TMEM196: variants seen among roughly 807,000 people sequenced by gnomAD.
TMEM196 encodes transmembrane protein 196.
TMEM196 carries 17 observed loss-of-function variants against 20.0 expected under a neutral mutation model. That is an observed-to-expected ratio of 0.85 (90% CI 0.58 to 1.27). The LOEUF is 1.27. Among genes scored for constraint, TMEM196 ranks in the 50% most tolerant of loss-of-function variants. The pLI, the probability that TMEM196 is intolerant of heterozygous loss-of-function variation, is 0.00. For missense variants in TMEM196, 267 were observed against 223.0 expected, an observed-to-expected ratio of 1.20 and a Z score of -1.26; for synonymous variants, 113 against 88.9, an observed-to-expected ratio of 1.27 and a Z score of -1.52.
At position 19,748,712 on chromosome 7, in the gene TMEM196, G is replaced by T. The variant is rs114460156; in HGVS notation, c.148-19274C>A. 6.4e-3 allele frequency among the ~76,000 whole-genome samples: 981 copies of T among 152,232 alleles called. 7 individuals are homozygous for T. Among genetic ancestry groups the T allele is most frequent in the African/African-American group, 0.023 (942 of 41,526 alleles). Reference sequence around the variant, plus strand: ...CAAGTAAAAGAAATGAGTTCATAGTGATCAAGATACATTTTGCTTAGCTAA... The same window carrying T: ...CAAGTAAAAGAAATGAGTTCATAGTTATCAAGATACATTTTGCTTAGCTAA... On this transcript the variant is annotated intron_variant, in intron 1 of 4. Transcript: ENST00000405844.
At chr7:19,749,208 C>A (rs949911384) in intron 1 of TMEM196, among the ~76,000 whole-genome samples, 6 of 152,172 alleles carry the variant, frequency 3.9e-5, no homozygotes, top group Admixed American at 1.3e-4. Context: ...AATATATGAA[C>A]AAGATAAAAA....
intron 1 of TMEM196, among the ~76,000 whole-genome samples, chr7:19,742,393 C>A (rs921434091): frequency 1.6e-4 from 24 of 152,104 alleles, no homozygotes; most frequent in African/African-American, 5.8e-4. Flanking sequence ...TATGCTCTCA[C>A]AGGGAGAGTA....
intron 3 of TMEM196, 120 bp from the exon 4 acceptor site, chr7:19,724,473 C>T (rs899183261): frequency 2.4e-6 from 2 of 849,418 alleles, no homozygotes; most frequent in African/African-American, 1.7e-5. Context: ...ATAAAATGGT[C>T]ATCTATTTTT....
chr7:19,747,507 A>T (rs1784803766), intron 1 of TMEM196, among the ~76,000 whole-genome samples: 1 of 152,180 alleles, frequency 6.6e-6, no homozygotes, highest in African/African-American at 2.4e-5. Flanking sequence ...CCTCTAGGCT[A>T]AACATTTTGC....
At chr7:19,741,674 T>C (rs560768573) in intron 1 of TMEM196, among the ~76,000 whole-genome samples, 6 of 152,266 alleles carry the variant, frequency 3.9e-5, no homozygotes, top group South Asian at 4.1e-4. Context: ...TAGACTTTTC[T>C]ACATAAAAGT....
chr7:19,740,715 C>A (rs1327726804), intron 1 of TMEM196, among the ~76,000 whole-genome samples: 1 of 152,146 alleles, frequency 6.6e-6, no homozygotes, highest in African/African-American at 2.4e-5. Context: ...CAACCACAAC[C>A]ACCGAGGTCA....
At chr7:19,744,355 GA>G (rs1406953581) in intron 1 of TMEM196, among the ~76,000 whole-genome samples, 6 of 152,104 alleles carry the variant, frequency 3.9e-5, no homozygotes, top group African/African-American at 1.4e-4. Flanking sequence ...TGATTCTACA[GA>G]GAATAAAAAA....
At chr7:19,726,733 T>C (rs73680685) in intron 2 of TMEM196, among the ~76,000 whole-genome samples, 4,493 of 152,232 alleles carry the variant, frequency 0.03, 210 homozygotes, top group African/African-American at 0.1. Context: ...TAAATTTAAT[T>C]AACTAGTCAA....
At chr7:19,744,854 GT>G (rs1426381796) in intron 1 of TMEM196, among the ~76,000 whole-genome samples, 1 of 152,080 alleles carries the variant, frequency 6.6e-6, no homozygotes, top group Non-Finnish European at 1.5e-5. Context: ...TTCTTTAAGT[GT>G]TTTTATTTTG....
chr7:19,771,204 A>T (rs1443549955), intron 1 of TMEM196, among the ~76,000 whole-genome samples: 1 of 152,166 alleles, frequency 6.6e-6, no homozygotes, highest in Non-Finnish European at 1.5e-5. Context: ...ATCCTTTCAA[A>T]CTCAAATTTA....
intron 1 of TMEM196, among the ~76,000 whole-genome samples, chr7:19,755,816 G>A (rs1583451453): frequency 6.6e-6 from 1 of 152,114 alleles, no homozygotes. Flanking sequence ...ATCACTTGCA[G>A]CCAGTAGTTT....
rs55646735 is a variant in TMEM196, at chr7:19,760,352, C to CTT, written c.147+12196_147+12197dup. ...ATTCTTCATAAGCCTATATATTTTCCTTTTTTTTTTTTTTTTTTTTTTTTT... is the reference window on the plus strand; with the variant it reads ...ATTCTTCATAAGCCTATATATTTTCCTTTTTTTTTTTTTTTTTTTTTTTTTTT... On this transcript the variant is annotated intron_variant, in intron 1 of 4. Transcript: ENST00000405844. Among the ~76,000 whole-genome samples, 136 of 92,164 alleles carry CTT rather than the reference C, an allele frequency of 1.5e-3. 8 individuals are homozygous for CTT. Among genetic ancestry groups the CTT allele is most frequent in the African/African-American group, 3.0e-3 (66 of 21,926 alleles). 60.5% of individuals were successfully genotyped at this position (92,164 alleles called of 152,430 possible).
rs146609745 is a variant in TMEM196 at position 19,743,155 on chromosome 7, A to G, written c.148-13717T>C. 7.7e-3 allele frequency among the ~76,000 whole-genome samples: 1,168 copies of G among 152,254 alleles called. 18 individuals are homozygous for G. Among genetic ancestry groups the G allele is most frequent in the Middle Eastern group, 0.058 (17 of 294 alleles). ...AACTGGTGGTATATCTGGGCTTTTA[A>G]GTTCTTTAAGCTTTGTTTGTTTTTC... is the stretch of plus-strand genomic sequence containing the variant. On this transcript the variant is annotated intron_variant, in intron 1 of 4. Transcript: ENST00000405844.
intron 1 of TMEM196, among the ~76,000 whole-genome samples, chr7:19,745,709 C>T (rs116047849): frequency 2.0e-5 from 3 of 147,214 alleles, no homozygotes; most frequent in East Asian, 2.0e-4. Flanking sequence ...TCTAATATGC[C>T]GGCCCTGTTC....
chr7:19,724,640 C>T (rs928160458), intron 3 of TMEM196, among the ~76,000 whole-genome samples: 3 of 152,070 alleles, frequency 2.0e-5, no homozygotes, highest in African/African-American at 4.8e-5. Flanking sequence ...AAAATGGAAA[C>T]GCTACAGAAT....
intron 1 of TMEM196, among the ~76,000 whole-genome samples, chr7:19,742,564 A>C (rs1207729936): frequency 6.6e-6 from 1 of 152,152 alleles, no homozygotes; most frequent in Admixed American, 6.5e-5. Flanking sequence ...ATCCTATCTG[A>C]ATGTGCATCT....
At chr7:19,752,326 G>A (rs1167394672) in intron 1 of TMEM196, among the ~76,000 whole-genome samples, 2 of 152,064 alleles carry the variant, frequency 1.3e-5, no homozygotes, top group Non-Finnish European at 2.9e-5. Flanking sequence ...TCTTATTACT[G>A]TTCTCTCAAA....
intron 1 of TMEM196, among the ~76,000 whole-genome samples, chr7:19,763,954 C>T (rs1252748096): frequency 2.6e-5 from 4 of 152,108 alleles, no homozygotes; most frequent in South Asian, 2.1e-4. Context: ...AGGTAGAATA[C>T]GAACCCAGAT....
At chr7:19,749,884 C>A (rs140894263) in intron 1 of TMEM196, among the ~76,000 whole-genome samples, 1 of 152,162 alleles carries the variant, frequency 6.6e-6, no homozygotes, top group Non-Finnish European at 1.5e-5. Context: ...AATCATAACT[C>A]GTCTGGCATA....
Sources: gnomAD v4.1 joint callset for allele counts (sites outside exome capture counted in the v4.1 genomes callset) on GRCh38, gnomAD v4.1.1 for gene constraint, MANE v1.5 for transcripts, NCBI Gene and HGNC (gene_info 2026-07-23, HGNC 2026-07-21) for gene names.